Variants in RTN1 observed in about 807,000 individuals in gnomAD.
The protein encoded by RTN1 is reticulon-1.
A neutral mutation model predicts 65.5 loss-of-function variants in RTN1; 25 were observed. The ratio of observed to expected loss-of-function variants is 0.38; its 90% CI spans 0.28 to 0.53. The LOEUF (loss-of-function observed/expected upper bound fraction) is 0.53. Among genes scored for constraint, RTN1 ranks in the 20% least tolerant of loss-of-function variants. RTN1 has a pLI of 0.79. For missense variants in RTN1, 983 were observed against 1,025.4 expected (o/e 0.96, Z 0.57); for synonymous variants, 471 against 447.6 (o/e 1.05, Z -0.66).
chr14:59,789,459 A>C (rs1374722891), intron 1 of RTN1, among the ~76,000 whole-genome samples: 1 of 152,130 alleles, frequency 6.6e-6, no homozygotes, highest in Non-Finnish European at 1.5e-5. Context: ...AGGTGTTTTT[A>C]TCCTTTAAAA....
At chr14:59,625,343 G>A (rs1882366466) in intron 3 of RTN1, among the ~76,000 whole-genome samples, 1 of 152,150 alleles carries the variant, frequency 6.6e-6, no homozygotes, top group African/African-American at 2.4e-5. Context: ...TAAAAAAAAT[G>A]TTGGACACTG....
Position 59,790,283 on chromosome 14 carries a change from A to C in RTN1, c.242-43802T>G, listed in dbSNP as rs1304499441. ...TTATGTATGTCACACACACACACAGACACACACACACACCTCTAGGAAAAA... is the reference window on the plus strand; with the variant it reads ...TTATGTATGTCACACACACACACAGCCACACACACACACCTCTAGGAAAAA... On this transcript the variant is annotated intron_variant, in intron 1 of 8. Transcript: ENST00000267484. This position sits in a 1 kb window ranked among gnomAD's most constrained non-coding sequence, Gnocchi z 4.1. Among the ~76,000 whole-genome samples the C allele has an allele frequency of 6.6e-6, 1 of 151,786 alleles. No homozygotes were observed. The highest frequency in any genetic ancestry group is 2.4e-5 in the African/African-American group (1 of 41,342).
intron 1 of RTN1, among the ~76,000 whole-genome samples, chr14:59,857,854 T>C (rs1394128794): frequency 6.6e-6 from 1 of 152,172 alleles, no homozygotes; most frequent in Non-Finnish European, 1.5e-5. Flanking sequence ...CTCCAGAATC[T>C]TCCTTCTCCT....
intron 3 of RTN1, among the ~76,000 whole-genome samples, chr14:59,703,677 C>T (rs536596978): frequency 3.3e-4 from 51 of 152,298 alleles, no homozygotes; most frequent in African/African-American, 1.2e-3. Context: ...ACGTAAGTTC[C>T]GTGAGAGCAC....
chr14:59,838,304 G>A (rs947622161), intron 1 of RTN1, among the ~76,000 whole-genome samples: 1 of 152,166 alleles, frequency 6.6e-6, no homozygotes, highest in African/African-American at 2.4e-5. Context: ...AAGGACATTT[G>A]ACAATTTGCA....
chr14:59,819,602 G>C (rs1886900581), intron 1 of RTN1, among the ~76,000 whole-genome samples: 1 of 152,038 alleles, frequency 6.6e-6, no homozygotes, highest in Non-Finnish European at 1.5e-5. Flanking sequence ...CGCGACCACT[G>C]TTGTCAGCCC....
Position 59,603,264 on chromosome 14 carries a change from A to G in RTN1, c.2183-6T>C, listed in dbSNP as rs776086899. On this transcript the variant is annotated splice_region_variant and splice_polypyrimidine_tract_variant and intron_variant, in intron 6 of 8. Transcript: ENST00000267484. ...AGTAAACATTGAAACCACAGCTGGGATGAAAAACAAATATAGTATTAAAAT... is the reference window on the plus strand; with the variant it reads ...AGTAAACATTGAAACCACAGCTGGGGTGAAAAACAAATATAGTATTAAAAT... 1 of 1,610,844 alleles carries G rather than the reference A, an allele frequency of 6.2e-7. No individual in the cohort carries two copies. The highest frequency in any genetic ancestry group is 8.5e-7 in the Non-Finnish European group (1 of 1,178,404).
intron 1 of RTN1, among the ~76,000 whole-genome samples, chr14:59,860,943 T>A (rs185193795): frequency 1.5e-3 from 231 of 152,328 alleles, no homozygotes; most frequent in Middle Eastern, 3.4e-3. Flanking sequence ...AGGAAGTAAC[T>A]AAGTTGCTTT....
In RTN1 at chr14:59,794,959, A is replaced by G. The variant is rs1886413573; in HGVS notation, c.242-48478T>C. ...AAACCTAGCAGCTTATGTACCTTGA[A>G]CTTTACACAGATTGTTTGATTTGGG... On this transcript the variant is annotated intron_variant, in intron 1 of 8. Coordinates refer to ENST00000267484, the MANE Select transcript of RTN1 (RefSeq NM_021136.3). The surrounding 1 kb of genome is among the most constrained non-coding windows in gnomAD (Gnocchi z 5.1). 6.6e-6 allele frequency among the ~76,000 whole-genome samples: 1 copy of G among 152,182 alleles called. No individual in the cohort carries two copies. The highest frequency in any genetic ancestry group is 2.4e-5 in the African/African-American group (1 of 41,430).
At chr14:59,791,662 C>A (rs1886350875) in intron 1 of RTN1, among the ~76,000 whole-genome samples, 1 of 152,214 alleles carries the variant, frequency 6.6e-6, no homozygotes, top group Admixed American at 6.5e-5. Context: ...TAGGGACTAA[C>A]AACTGAACTC....
At chr14:59,800,330 T>C (rs1409664247) in intron 1 of RTN1, among the ~76,000 whole-genome samples, 1 of 152,236 alleles carries the variant, frequency 6.6e-6, no homozygotes, top group African/African-American at 2.4e-5. Flanking sequence ...CCTCTTTCTC[T>C]ATTATTTTTT....
intron 1 of RTN1, among the ~76,000 whole-genome samples, chr14:59,813,631 A>T (rs1886769045): frequency 6.6e-6 from 1 of 152,198 alleles, no homozygotes. Flanking sequence ...TAATTCCGGA[A>T]AAAAGAGTGT....
chr14:59,785,309 C>A (rs143509003), intron 1 of RTN1, among the ~76,000 whole-genome samples: 96 of 152,266 alleles, frequency 6.3e-4, no homozygotes, highest in African/African-American at 2.2e-3. Flanking sequence ...ATTCTTCCTG[C>A]GTCATTGATT....
At chr14:59,795,039 C>A (rs1468476987) in intron 1 of RTN1, among the ~76,000 whole-genome samples, 1 of 152,152 alleles carries the variant, frequency 6.6e-6, no homozygotes, top group Non-Finnish European at 1.5e-5. Context: ...TTCTTCTAAA[C>A]CTATTTAATA....
intron 3 of RTN1, among the ~76,000 whole-genome samples, chr14:59,698,345 G>A (rs1175174213): frequency 6.6e-6 from 1 of 152,092 alleles, no homozygotes; most frequent in Non-Finnish European, 1.5e-5. Flanking sequence ...CTAATATTAT[G>A]TTCAATTGGA....
intron 3 of RTN1, among the ~76,000 whole-genome samples, chr14:59,670,547 A>C (rs1883480558): frequency 6.6e-6 from 1 of 152,218 alleles, no homozygotes; most frequent in African/African-American, 2.4e-5. Context: ...TGAAGATGGC[A>C]ACGTGGACCT....
At chr14:59,858,406 T>C (rs1272947007) in intron 1 of RTN1, among the ~76,000 whole-genome samples, 1 of 152,158 alleles carries the variant, frequency 6.6e-6, no homozygotes, top group Non-Finnish European at 1.5e-5. Context: ...TTGTTTTCTA[T>C]TCCTTTGCTT....
At chr14:59,630,971 C>T (rs1443643051) in intron 3 of RTN1, among the ~76,000 whole-genome samples, 4 of 152,124 alleles carry the variant, frequency 2.6e-5, no homozygotes. Context: ...TTCTGAGAAA[C>T]CCAAGAAACC....
intron 1 of RTN1, among the ~76,000 whole-genome samples, chr14:59,756,808 A>AT (rs575577700): frequency 1.1e-5 from 1 of 87,976 alleles, no homozygotes; most frequent in South Asian, 4.3e-4. Context: ...TTTGCTCCCC[A>AT]CCCCCGACAC....
Sources: gnomAD v4.1 joint callset for allele counts (sites outside exome capture counted in the v4.1 genomes callset) on GRCh38, gnomAD v4.1.1 for gene constraint, Gnocchi (gnomAD v3.1) non-coding constraint, MANE v1.5 for transcripts, NCBI Gene and HGNC (gene_info 2026-07-23, HGNC 2026-07-21) for gene names.